The following CACNA2D1 variants were observed in gnomAD, a reference collection of about 807,000 sequenced individuals.
The protein encoded by CACNA2D1 is calcium voltage-gated channel auxiliary subunit alpha2delta 1.
CACNA2D1 carries 53 observed loss-of-function variants against 171.5 expected under a neutral mutation model. The observed-to-expected ratio is 0.31, with a 90% confidence interval of 0.25 to 0.39. The LOEUF (loss-of-function observed/expected upper bound fraction) is 0.39. CACNA2D1 is among the 10% of genes least tolerant of loss of function. The pLI is 1.00. For synonymous variants in CACNA2D1, 442 were observed against 443.1 expected, an observed-to-expected ratio of 1.00 and a Z score of 0.03; for missense variants, 903 against 1,299.8, an observed-to-expected ratio of 0.69 and a Z score of 4.69.
intron 12 of CACNA2D1, among the ~76,000 whole-genome samples, chr7:82,024,740 T>C (rs2131062376): frequency 6.6e-6 from 1 of 151,826 alleles, no homozygotes; most frequent in East Asian, 1.9e-4. Context: ...CCATGAAGCT[T>C]TCTCCCTGTT....
intron 3 of CACNA2D1, among the ~76,000 whole-genome samples, chr7:82,210,642 G>C (rs1291970011): frequency 6.6e-6 from 1 of 152,162 alleles, no homozygotes; most frequent in Non-Finnish European, 1.5e-5. Context: ...GATTTTTGCA[G>C]AAGTGTCTGT....
chr7:81,991,156 C>T (rs750599858), intron 21 of CACNA2D1, 29 bp downstream of exon 21: 18 of 1,088,022 alleles, frequency 1.7e-5, no homozygotes, highest in Non-Finnish European at 2.3e-5. Context: ...CATTGGAATA[C>T]ACAATACACA....
chr7:82,125,686 G>C (rs1340398844), intron 5 of CACNA2D1, among the ~76,000 whole-genome samples: 2 of 152,018 alleles, frequency 1.3e-5, no homozygotes, highest in Non-Finnish European at 2.9e-5. Flanking sequence ...AGGCCAGTCT[G>C]AACAACATAG....
At chr7:82,248,856 G>A (rs1378953962) in intron 3 of CACNA2D1, among the ~76,000 whole-genome samples, 3 of 151,314 alleles carry the variant, frequency 2.0e-5, no homozygotes, top group Non-Finnish European at 4.4e-5. Context: ...GGTGGCTCAC[G>A]CCTCTAATCC....
chr7:81,960,374 G>A (rs1306353457), intron 36 of CACNA2D1, among the ~76,000 whole-genome samples: 2 of 151,894 alleles, frequency 1.3e-5, no homozygotes, highest in Admixed American at 1.3e-4. Flanking sequence ...GTGTGACTGA[G>A]GCACAAAATT....
rs34773288 is a variant in CACNA2D1 at position 82,080,057 on chromosome 7, G to GTATA, written c.658+4708_658+4711dup. Among the ~76,000 whole-genome samples, 1,420 of 148,744 alleles carry GTATA rather than the reference G, an allele frequency of 9.5e-3. 19 individuals carry two copies. The highest frequency in any genetic ancestry group is 0.033 in the African/African-American group (1,327 of 40,478). ...GATGGGGTTAAAAATATATATGTGT[G>GTATA]TATATATATACGTATATATATGCGT... On this transcript the variant is annotated intron_variant, in intron 7 of 38. Coordinates refer to ENST00000356860, the MANE Select transcript of CACNA2D1 (RefSeq NM_000722.4).
At chr7:82,143,028 T>A (rs1444884840) in intron 4 of CACNA2D1, among the ~76,000 whole-genome samples, 1 of 152,112 alleles carries the variant, frequency 6.6e-6, no homozygotes, top group Non-Finnish European at 1.5e-5. Context: ...CATGTATGTG[T>A]GTGTATGGCT....
chr7:82,234,927 T>C (rs1202377292), intron 3 of CACNA2D1, among the ~76,000 whole-genome samples: 2 of 152,176 alleles, frequency 1.3e-5, no homozygotes, highest in East Asian at 3.8e-4. Flanking sequence ...TAGTATTAAG[T>C]ATGATCGTTT....
chr7:82,232,520 C>T (rs1310193077), intron 3 of CACNA2D1, among the ~76,000 whole-genome samples: 3 of 152,040 alleles, frequency 2.0e-5, no homozygotes, highest in African/African-American at 7.2e-5. Flanking sequence ...TAATTTAATG[C>T]TGCGAAGTAA....
chr7:82,213,777 C>CA (rs1018365024), intron 3 of CACNA2D1, among the ~76,000 whole-genome samples: 1 of 151,892 alleles, frequency 6.6e-6, no homozygotes, highest in Non-Finnish European at 1.5e-5. Context: ...CAGACTCAGG[C>CA]TTTTTTTTAG....
chr7:82,316,626 A>G (rs1476192508), intron 3 of CACNA2D1, among the ~76,000 whole-genome samples: 1 of 152,206 alleles, frequency 6.6e-6, no homozygotes, highest in East Asian at 1.9e-4. Context: ...AAATATCTGT[A>G]TATTAGTCTG....
chr7:82,426,057 G>T (rs1385882935), intron 1 of CACNA2D1, among the ~76,000 whole-genome samples: 1 of 151,466 alleles, frequency 6.6e-6, no homozygotes, highest in Non-Finnish European at 1.5e-5. Flanking sequence ...CTCAAACCTG[G>T]GAGGCGGAGG....
chr7:82,145,198 C>T (rs953867509), intron 4 of CACNA2D1, among the ~76,000 whole-genome samples: 4 of 147,074 alleles, frequency 2.7e-5, no homozygotes, highest in African/African-American at 9.9e-5. Context: ...ACATGACCTA[C>T]ATCTTAGAGA....
At chr7:82,050,539 C>A in intron 10 of CACNA2D1, 1 of 701,994 alleles carries the variant, frequency 1.4e-6, no homozygotes, top group South Asian at 1.5e-5. Context: ...TCTGATGGCC[C>A]ACACTCATCC....
chr7:82,077,701 T>C (rs1330316858), intron 7 of CACNA2D1, among the ~76,000 whole-genome samples: 2 of 148,942 alleles, frequency 1.3e-5, no homozygotes, highest in Non-Finnish European at 2.9e-5. Flanking sequence ...GTTTATATAA[T>C]GATCAACAAC....
chr7:82,087,224 G>C (rs1480971444), intron 6 of CACNA2D1, among the ~76,000 whole-genome samples: 2 of 152,082 alleles, frequency 1.3e-5, no homozygotes, highest in Admixed American at 1.3e-4. Flanking sequence ...TATAGTTGCA[G>C]GGACTTTTAA....
intron 4 of CACNA2D1, among the ~76,000 whole-genome samples, chr7:82,168,148 G>T (rs1410893113): frequency 6.6e-6 from 1 of 151,624 alleles, no homozygotes; most frequent in Non-Finnish European, 1.5e-5. Flanking sequence ...TTTTTTGGTG[G>T]GGGCTTGGGG....
chr7:82,355,787 A>T (rs1329561491), intron 1 of CACNA2D1, among the ~76,000 whole-genome samples: 1 of 151,614 alleles, frequency 6.6e-6, no homozygotes, highest in East Asian at 1.9e-4. Context: ...CTCCTTCCTT[A>T]CTTCTCTTTT....
chr7:82,241,528 G>A (rs1463878727), intron 3 of CACNA2D1, among the ~76,000 whole-genome samples: 1 of 152,018 alleles, frequency 6.6e-6, no homozygotes, highest in East Asian at 1.9e-4. Context: ...CAAATCTGTG[G>A]GATCAATTTG....
Sources: gnomAD v4.1 joint callset for allele counts (sites outside exome capture counted in the v4.1 genomes callset) on GRCh38, gnomAD v4.1.1 for gene constraint, MANE v1.5 for transcripts, NCBI Gene and HGNC (gene_info 2026-07-23, HGNC 2026-07-21) for gene names.